TMEM45A: variants seen among roughly 807,000 people sequenced by gnomAD.
TMEM45A encodes DNA polymerase-transactivated protein 4.
A neutral mutation model predicts 32.0 loss-of-function variants in TMEM45A; 25 were observed. The observed-to-expected ratio is 0.78, with a 90% CI of 0.57 to 1.09. The LOEUF is 1.09. Among genes scored for constraint, TMEM45A ranks in the 50% least tolerant of loss-of-function variants. The probability of loss-of-function intolerance (pLI) is 0.00; values close to 1 mark genes in which losing one functional copy is unlikely to be tolerated. For synonymous variants in TMEM45A, 122 were observed against 114.8 expected, an observed-to-expected ratio of 1.06 and a Z score of -0.40; for missense variants, 302 against 325.0, an observed-to-expected ratio of 0.93 and a Z score of 0.54.
At chr3:100,574,275 A>G (rs1706635889) in intron 5 of TMEM45A, 1 of 152,240 alleles carries the variant, frequency 6.6e-6, no homozygotes, top group Non-Finnish European at 1.5e-5. Flanking sequence ...AGAAGAAAAG[A>G]GAGAAGAATC....
intron 1 of TMEM45A, among the ~76,000 whole-genome samples, chr3:100,511,282 A>C (rs561192492): frequency 1.3e-5 from 2 of 152,382 alleles, no homozygotes; most frequent in African/African-American, 4.8e-5. Context: ...GTCTCGGCAG[A>C]AACTCTACGA....
At position 100,541,524 on chromosome 3, in the gene TMEM45A, C is replaced by CTTT. The variant is rs61341173; in HGVS notation, c.-3-13667_-3-13665dup. ...TTTTCTTTTTCTTTTCTTTTCTTTC[C>CTTT]TTTTTTTTTTTTTTTTTTTTCTGAG... On this transcript the variant is annotated intron_variant, in intron 1 of 5. Coordinates refer to ENST00000323523, the MANE Select transcript of TMEM45A (RefSeq NM_018004.3). Among the ~76,000 whole-genome samples the CTTT allele has an allele frequency of 1.2e-4, 13 of 111,266 alleles. 1 individual carries two copies. The highest frequency in any genetic ancestry group is 1.8e-4 in the African/African-American group (5 of 28,178). The allele number at this position is 111,266 out of a possible 152,430, so 73.0% of individuals were successfully genotyped here.
chr3:100,525,495 A>G (rs1559640500), intron 1 of TMEM45A, among the ~76,000 whole-genome samples: 1 of 152,278 alleles, frequency 6.6e-6, no homozygotes, highest in Non-Finnish European at 1.5e-5. Context: ...GTAAAAAACA[A>G]CAAATACAAA....
At chr3:100,498,494 T>A (rs1707963691) in intron 1 of TMEM45A, among the ~76,000 whole-genome samples, 1 of 152,184 alleles carries the variant, frequency 6.6e-6, no homozygotes, top group Non-Finnish European at 1.5e-5. Flanking sequence ...TTCAGCCTGC[T>A]AGCCTACCCT....
At chr3:100,561,843 C>A (rs1278515833) in intron 4 of TMEM45A, among the ~76,000 whole-genome samples, 1 of 152,210 alleles carries the variant, frequency 6.6e-6, no homozygotes, top group Non-Finnish European at 1.5e-5. Flanking sequence ...CTAGTCCCCC[C>A]AGAGATTCCT....
chr3:100,514,845 A>G (rs1186239692), intron 1 of TMEM45A, among the ~76,000 whole-genome samples: 1 of 149,816 alleles, frequency 6.7e-6, no homozygotes, highest in African/African-American at 2.5e-5. Flanking sequence ...TCAAAAGAAG[A>G]CATTTATGCA....
chr3:100,573,707 T>C (rs1220197703), intron 5 of TMEM45A: 1 of 152,216 alleles, frequency 6.6e-6, no homozygotes, highest in Non-Finnish European at 1.5e-5. Flanking sequence ...CTTCCAGTTT[T>C]TGCCCATTCA....
At chr3:100,500,565 A>G (rs1559632419) in intron 1 of TMEM45A, among the ~76,000 whole-genome samples, 1 of 152,152 alleles carries the variant, frequency 6.6e-6, no homozygotes, top group Non-Finnish European at 1.5e-5. Flanking sequence ...CTGACTTTCA[A>G]TGTCCCTGCC....
At chr3:100,511,210 G>A (rs1259550795) in intron 1 of TMEM45A, among the ~76,000 whole-genome samples, 3 of 152,088 alleles carry the variant, frequency 2.0e-5, no homozygotes, top group African/African-American at 7.2e-5. Context: ...AAAATGTTAA[G>A]GGCAGCCAGA....
At chr3:100,533,634 C>A (rs1705690799) in intron 1 of TMEM45A, among the ~76,000 whole-genome samples, 1 of 152,116 alleles carries the variant, frequency 6.6e-6, no homozygotes, top group Admixed American at 6.5e-5. Context: ...TGCCTCCCAG[C>A]CCCACCCTTC....
chr3:100,529,458 G>A (rs1705607562), intron 1 of TMEM45A, among the ~76,000 whole-genome samples: 2 of 152,140 alleles, frequency 1.3e-5, no homozygotes, highest in Non-Finnish European at 1.5e-5. Flanking sequence ...CCATGCTGCA[G>A]CGAGGGGATG....
chr3:100,549,124 G>C (rs1024147925), intron 1 of TMEM45A, among the ~76,000 whole-genome samples: 2 of 152,030 alleles, frequency 1.3e-5, no homozygotes, highest in South Asian at 4.2e-4. Flanking sequence ...GCATGCGCCT[G>C]TAATACCAGC....
In TMEM45A at chr3:100,536,062, T is replaced by C. The variant is rs999781525; in HGVS notation, c.-3-19147T>C. On this transcript the variant is annotated intron_variant, in intron 1 of 5. Coordinates refer to ENST00000323523, the MANE Select transcript of TMEM45A (RefSeq NM_018004.3). ...TGACATTTATCAATATCCATAGATA[T>C]TTTTGGTTGTCACATCTAGGGGGAA... is the stretch of plus-strand genomic sequence containing the variant. Among the ~76,000 whole-genome samples the C allele has an allele frequency of 5.3e-5, 8 of 152,144 alleles. No individual in the cohort carries two copies. In the South Asian group the frequency reaches 1.7e-3, roughly 32 times the overall value.
intron 1 of TMEM45A, among the ~76,000 whole-genome samples, chr3:100,538,453 CA>C (rs1208305851): frequency 6.6e-6 from 1 of 152,212 alleles, no homozygotes; most frequent in Admixed American, 6.5e-5. Context: ...CAGCCAACAT[CA>C]TACTTTAGTG....
intron 1 of TMEM45A, among the ~76,000 whole-genome samples, chr3:100,517,199 C>G (rs1418673206): frequency 6.6e-6 from 1 of 152,120 alleles, no homozygotes; most frequent in Non-Finnish European, 1.5e-5. Context: ...TTATTGCAAC[C>G]TCCGCCTTCT....
intron 1 of TMEM45A, among the ~76,000 whole-genome samples, chr3:100,507,997 ACT>A (rs1241896496): frequency 6.6e-6 from 1 of 151,418 alleles, no homozygotes; most frequent in African/African-American, 2.4e-5. Context: ...GAACACAGGA[ACT>A]CAGCAGGAAA....
In TMEM45A at chr3:100,523,843, CCTT is replaced by C. The variant is rs1431375210; in HGVS notation, c.-4+30919_-4+30921del. Among the ~76,000 whole-genome samples the C allele has an allele frequency of 7.9e-5, 12 of 151,698 alleles. No individual in the cohort carries two copies. The East Asian group carries it at 9.7e-4, about 12-fold the overall frequency. On this transcript the variant is annotated intron_variant, in intron 1 of 5. Coordinates refer to ENST00000323523, the MANE Select transcript of TMEM45A (RefSeq NM_018004.3). ...TCTTCTTTTTCTTTCTTCTCTTTCT[CCTT>C]CTTATTCCTTTTTGAACAGAGTTAT...
In TMEM45A at chr3:100,558,046, T is replaced by A. The variant is rs78241283; in HGVS notation, c.404-359T>A. 4.4e-3 allele frequency among the ~76,000 whole-genome samples: 663 copies of A among 152,332 alleles called. 7 individuals carry two copies. The highest frequency in any genetic ancestry group is 0.015 in the African/African-American group (635 of 41,582). ...TAGAAGATGCTTTGAAATATTTTCATCTTATGGAGATTCCAACTTCGTCTT... is the reference window on the plus strand; with the variant it reads ...TAGAAGATGCTTTGAAATATTTTCAACTTATGGAGATTCCAACTTCGTCTT... On this transcript the variant is annotated intron_variant, in intron 3 of 5. Coordinates refer to ENST00000323523, the MANE Select transcript of TMEM45A (RefSeq NM_018004.3).
At chr3:100,566,990 G>A (rs2148992949) in intron 4 of TMEM45A, among the ~76,000 whole-genome samples, 1 of 151,964 alleles carries the variant, frequency 6.6e-6, no homozygotes, top group Middle Eastern at 3.4e-3. Flanking sequence ...TTTTGATGAA[G>A]TCCAATTTAT....
Sources: allele counts gnomAD v4.1 joint callset (sites outside exome capture counted in the v4.1 genomes callset), GRCh38; gene constraint gnomAD v4.1.1; transcripts MANE v1.5; gene names NCBI Gene and HGNC (gene_info 2026-07-23, HGNC 2026-07-21).